KIF18A: variants seen among roughly 807,000 people sequenced by gnomAD.
KIF18A encodes kinesin family member 18A, also known as kinesin-like protein KIF18A.
In KIF18A, 67 loss-of-function variants were observed where a neutral mutation model predicts 103.3. That is an observed-to-expected ratio of 0.65 (90% CI 0.53 to 0.79). The LOEUF is 0.79. KIF18A is among the 30% of genes least tolerant of loss of function. The pLI, the probability that KIF18A is intolerant of heterozygous loss-of-function variation, is 0.00. For missense variants in KIF18A, 1,032 were observed against 1,062.5 expected (o/e 0.97, Z 0.40); for synonymous variants, 367 against 355.5 (o/e 1.03, Z -0.36).
intron 13 of KIF18A, 46 bp downstream of exon 13, chr11:28,058,880 T>G: frequency 7.0e-7 from 1 of 1,426,092 alleles, no homozygotes; most frequent in Non-Finnish European, 9.9e-7. Context: ...AAAGGTTCTC[T>G]TTAGAAATAA....
At chr11:28,087,738 C>T (rs1378829006) in intron 6 of KIF18A, among the ~76,000 whole-genome samples, 1 of 152,172 alleles carries the variant, frequency 6.6e-6, no homozygotes, top group Non-Finnish European at 1.5e-5. Context: ...TCCACATCCT[C>T]TCCAGCATCT....
chr11:28,036,733 T>TA, intron 13 of KIF18A, 69 bp from the exon 14 acceptor site: 1 of 918,536 alleles, frequency 1.1e-6, no homozygotes. Context: ...CCATTACTTT[T>TA]AAAACTAAGA....
intron 13 of KIF18A, among the ~76,000 whole-genome samples, chr11:28,041,642 AAG>A (rs1326677890): frequency 6.6e-6 from 1 of 151,786 alleles, no homozygotes; most frequent in African/African-American, 2.4e-5. Context: ...GTTTAGGAAA[AAG>A]AGTGATTTGC....
chr11:28,023,864 G>T lies in KIF18A; in HGVS notation c.2505-14C>A, dbSNP rs1372317350. On this transcript the variant is annotated splice_polypyrimidine_tract_variant and intron_variant, in intron 15 of 16. Transcript: ENST00000263181. ...TTTGATGTAGAACTTGAGAGGAAAA[G>T]TTTTTAATTTAGTTAAGCATTTTTT... 2.6e-6 allele frequency: 4 copies of T among 1,518,382 alleles called. No individual in the cohort carries two copies. Among genetic ancestry groups the T allele is most frequent in the Admixed American group, 1.8e-5 (1 of 56,026 alleles). The allele number at this position is 1,518,382 out of a possible 1,614,324, so 94.1% of individuals were successfully genotyped here. A position where few individuals can be genotyped will look rare whatever the true frequency, so the allele number is the denominator to read the frequency against.
Position 28,058,972 on chromosome 11 carries a change from A to G in KIF18A, c.1902T>C (p.Val634=), listed in dbSNP as rs1180998737. Reference sequence around the variant, plus strand: ...GTCCAAGTTGTGGAAAGGTCATAAGAACAGAAATCCCTGGTAGATCGTTTT... The same window carrying G: ...GTCCAAGTTGTGGAAAGGTCATAAGGACAGAAATCCCTGGTAGATCGTTTT... ...PKQNDLPGIS[V]LMTFPQLGPV... Residue 634 remains valine (V), a synonymous_variant, in exon 13 of 17, where the codon GTT becomes GTC. Transcript: ENST00000263181. The G allele has an allele frequency of 1.2e-6, 2 of 1,614,102 alleles. No homozygotes were observed. Among genetic ancestry groups the G allele is most frequent in the East Asian group, 4.5e-5 (2 of 44,862 alleles).
At chr11:28,048,399 T>C (rs912919379) in intron 13 of KIF18A, among the ~76,000 whole-genome samples, 3 of 152,044 alleles carry the variant, frequency 2.0e-5, no homozygotes, top group Non-Finnish European at 4.4e-5. Context: ...GCAAATATAA[T>C]ATGCAGCTAT....
intron 13 of KIF18A, among the ~76,000 whole-genome samples, chr11:28,053,445 C>A (rs1327550551): frequency 6.6e-6 from 1 of 151,720 alleles, no homozygotes; most frequent in Non-Finnish European, 1.5e-5. Flanking sequence ...GATAGTGAAT[C>A]AGCTTTGGCC....
intron 13 of KIF18A, among the ~76,000 whole-genome samples, chr11:28,053,381 C>T (rs1427030816): frequency 6.7e-6 from 1 of 150,354 alleles, no homozygotes; most frequent in Non-Finnish European, 1.5e-5. Context: ...TAATTTTTTC[C>T]AGTCATATAC....
chr11:28,082,912 A>G lies in KIF18A; in HGVS notation c.1206T>C (p.Asn402=). The change falls in exon 9 of 17, where the codon AAT becomes AAC. Residue 402 remains asparagine (N), a synonymous_variant. Transcript: ENST00000263181. ...KAYEEQKAFT[N]ENDQAKLMIS... ...TCATTAACTTTGCTTGGTCATTTTCATTAGTGAAGGCTTTCTGTTCTTCAT... is the reference window on the plus strand; with the variant it reads ...TCATTAACTTTGCTTGGTCATTTTCGTTAGTGAAGGCTTTCTGTTCTTCAT... 2.5e-6 allele frequency: 4 copies of G among 1,606,450 alleles called. No homozygotes were observed. Among genetic ancestry groups the G allele is most frequent in the Non-Finnish European group, 3.4e-6 (4 of 1,175,752 alleles).
chr11:28,060,519 T>C (rs1424391546), intron 12 of KIF18A, among the ~76,000 whole-genome samples: 1 of 152,156 alleles, frequency 6.6e-6, no homozygotes, highest in East Asian at 1.9e-4. Context: ...GAAAAAGTTA[T>C]TAATCAAAGT....
intron 3 of KIF18A, 118 bp downstream of exon 3, chr11:28,094,520 TCAAGA>T: frequency 1.3e-6 from 1 of 792,572 alleles, no homozygotes; most frequent in Non-Finnish European, 2.0e-6. Flanking sequence ...TAACAAATAT[TCAAGA>T]CAAGGAATTT....
chr11:28,045,331 C>T (rs956481621), intron 13 of KIF18A, among the ~76,000 whole-genome samples: 1 of 151,496 alleles, frequency 6.6e-6, no homozygotes, highest in African/African-American at 2.4e-5. Context: ...TATTTCAATT[C>T]TCCAGGAAGT....
intron 10 of KIF18A, chr11:28,076,530 A>C (rs1056181812): frequency 1.3e-5 from 2 of 152,222 alleles, no homozygotes; most frequent in African/African-American, 4.8e-5. Flanking sequence ...TTTCTTGTGC[A>C]CTTAACTATG....
chr11:28,045,680 G>C (rs535661392), intron 13 of KIF18A, among the ~76,000 whole-genome samples: 2 of 152,026 alleles, frequency 1.3e-5, no homozygotes, highest in Non-Finnish European at 2.9e-5. Flanking sequence ...TGGCGGTGTT[G>C]TAAGTGAGCT....
intron 15 of KIF18A, 45 bp downstream of exon 15, chr11:28,035,342 A>G: frequency 1.0e-6 from 1 of 994,184 alleles, no homozygotes; most frequent in South Asian, 1.7e-5. Flanking sequence ...TATAAAGATT[A>G]TCTTATATAA....
intron 15 of KIF18A, among the ~76,000 whole-genome samples, chr11:28,026,638 A>G (rs1484922221): frequency 1.3e-5 from 2 of 151,766 alleles, no homozygotes; most frequent in Non-Finnish European, 3.0e-5. Context: ...TACACAATTC[A>G]CATACCTGGA....
At chr11:28,076,939 A>G in intron 10 of KIF18A, 68 bp downstream of exon 10, 1 of 737,610 alleles carries the variant, frequency 1.4e-6, no homozygotes, top group South Asian at 2.4e-5. Flanking sequence ...CCTTCTGAAA[A>G]AAAAAAAAAA....
At chr11:28,064,294 T>C (rs1468371228) in intron 11 of KIF18A, among the ~76,000 whole-genome samples, 1 of 151,956 alleles carries the variant, frequency 6.6e-6, no homozygotes, top group Non-Finnish European at 1.5e-5. Context: ...TTGAAACAAA[T>C]GTCACCTTAA....
chr11:28,106,685 G>A (rs969787163), intron 1 of KIF18A, among the ~76,000 whole-genome samples: 3 of 151,926 alleles, frequency 2.0e-5, no homozygotes, highest in Middle Eastern at 3.2e-3. Flanking sequence ...AGTAGAAGAG[G>A]AAGGGCTGGG....
Sources: allele counts gnomAD v4.1 joint callset (sites outside exome capture counted in the v4.1 genomes callset), GRCh38; gene constraint gnomAD v4.1.1; transcripts MANE v1.5; gene names NCBI Gene and HGNC (gene_info 2026-07-23, HGNC 2026-07-21).